The following LOXHD1 variants were observed in gnomAD, a reference collection of about 807,000 sequenced individuals.
LOXHD1 encodes lipoxygenase homology PLAT domains 1.
A neutral mutation model predicts 248.2 loss-of-function variants in LOXHD1; 205 were observed. The observed-to-expected ratio is 0.83, with a 90% confidence interval of 0.74 to 0.93. LOXHD1 has a LOEUF of 0.93. Ranked by LOEUF, LOXHD1 falls within the 40% of genes least tolerant of loss-of-function variation. The probability of loss-of-function intolerance (pLI) is 0.00; values close to 1 mark genes in which losing one functional copy is unlikely to be tolerated. For synonymous variants in LOXHD1, 1,113 were observed against 1,162.8 expected (o/e 0.96, Z 0.87); for missense variants, 2,930 against 2,971.6 (o/e 0.99, Z 0.33).
Position 46,560,285 on chromosome 18 carries a change from C to T in LOXHD1, c.2859G>A (p.Glu953=). 6.5e-7 allele frequency: 1 copy of T among 1,549,002 alleles called. No individual in the cohort carries two copies. ...RKGSDEEDEG[E]EEESSSSEES... is the part of the protein sequence containing the mutation. ...CCTCTGATGAGGACGACTCCTCTTC[C>T]TCCCCCTCGTCCTCTTCGTCGCTGC... is the stretch of plus-strand genomic sequence containing the variant. Residue 953 remains glutamate (E), a synonymous_variant, in exon 19 of 41, where the codon GAG becomes GAA. Transcript: ENST00000642948.
rs755975565 is a variant in LOXHD1 at position 46,477,544 on chromosome 18, G to A, written c.6750C>T (p.Phe2250=). ...TNTSTGVATI[F]NCGRWLDKKR... is the part of the protein sequence containing the mutation. ...TCTTGTCCAGCCACCTGCCACAGTT[G>A]AAGATGGTGGCCACGCCGGTGCTGG... Residue 2250 remains phenylalanine (F), a synonymous_variant, in exon 41 of 41, where the codon TTC becomes TTT. Coordinates refer to ENST00000642948, the MANE Select transcript of LOXHD1 (RefSeq NM_001384474.1). 3.2e-6 allele frequency: 5 copies of A among 1,551,602 alleles called. No individual in the cohort carries two copies. The South Asian group carries it at 5.9e-5, about 18-fold the overall frequency.
intron 37 of LOXHD1, among the ~76,000 whole-genome samples, chr18:46,491,667 C>T (rs2033486929): frequency 6.6e-6 from 1 of 152,168 alleles, no homozygotes; most frequent in Non-Finnish European, 1.5e-5. Flanking sequence ...TGGAATGCAC[C>T]ATTTATCATG....
At chr18:46,613,019 C>T (rs1053289978) in intron 5 of LOXHD1, among the ~76,000 whole-genome samples, 2 of 152,024 alleles carry the variant, frequency 1.3e-5, no homozygotes, top group Non-Finnish European at 2.9e-5. Flanking sequence ...CAAATATTCT[C>T]ATGTTATTAA....
intron 4 of LOXHD1, among the ~76,000 whole-genome samples, chr18:46,630,388 G>A (rs921546419): frequency 1.1e-4 from 17 of 152,178 alleles, no homozygotes; most frequent in Admixed American, 6.5e-5. Context: ...CTGGGCTGTG[G>A]GCAATTACTT....
chr18:46,560,049 C>CCGGGG, intron 19 of LOXHD1, 34 bp downstream of exon 19: 1 of 555,558 alleles, frequency 1.8e-6, no homozygotes, highest in Non-Finnish European at 3.3e-6. Flanking sequence ...TCTGGCCACT[C>CCGGGG]CCTCCCCACC....
intron 12 of LOXHD1, among the ~76,000 whole-genome samples, chr18:46,591,660 G>A (rs2038170541): frequency 6.6e-6 from 1 of 152,196 alleles, no homozygotes; most frequent in Non-Finnish European, 1.5e-5. Context: ...ATTGCTCAGG[G>A]CAGATGCTTC....
chr18:46,479,097 G>C (rs1214833949), intron 40 of LOXHD1, among the ~76,000 whole-genome samples: 1 of 152,010 alleles, frequency 6.6e-6, no homozygotes. Flanking sequence ...TTTGTACCTG[G>C]TGTTGTCACC....
intron 29 of LOXHD1, among the ~76,000 whole-genome samples, chr18:46,527,637 A>G (rs2035884293): frequency 6.6e-6 from 1 of 152,198 alleles, no homozygotes. Context: ...GTGTAGAGTC[A>G]GGGACAATCA....
In LOXHD1 at chr18:46,649,259, C is replaced by A. The variant is rs749402939; in HGVS notation, c.141G>T (p.Val47=). 1 of 1,551,424 alleles carries A rather than the reference C, an allele frequency of 6.4e-7. No homozygotes were observed. The highest frequency in any genetic ancestry group is 8.7e-7 in the Non-Finnish European group (1 of 1,146,776). ...CGCGAACATCCCCCGTGGCTGTGACCACTTCATACACTGGAGGAGGAGAGG... is the reference window on the plus strand; with the variant it reads ...CGCGAACATCCCCCGTGGCTGTGACAACTTCATACACTGGAGGAGGAGAGG... ...HEYYKARVYE[V]VTATGDVRGA... Residue 47 remains valine (V), a synonymous_variant, in exon 2 of 41, where the codon GTG becomes GTT. Transcript: ENST00000642948.
intron 36 of LOXHD1, among the ~76,000 whole-genome samples, chr18:46,506,444 A>G (rs1313197441): frequency 6.6e-6 from 1 of 152,192 alleles, no homozygotes; most frequent in Non-Finnish European, 1.5e-5. Flanking sequence ...TTGACATTCT[A>G]CACTAGAGCT....
At chr18:46,536,072 C>T (rs1038698087) in intron 26 of LOXHD1, among the ~76,000 whole-genome samples, 7 of 152,148 alleles carry the variant, frequency 4.6e-5, no homozygotes, top group African/African-American at 1.7e-4. Context: ...TTTAAGACAC[C>T]TTGAGTAAGT....
intron 37 of LOXHD1, among the ~76,000 whole-genome samples, chr18:46,489,692 C>T (rs1440373694): frequency 2.0e-5 from 3 of 152,196 alleles, no homozygotes; most frequent in Non-Finnish European, 4.4e-5. Flanking sequence ...GCTCCTATAG[C>T]CCCCTGCATC....
At chr18:46,627,528 G>A (rs2038759117) in intron 4 of LOXHD1, among the ~76,000 whole-genome samples, 3 of 152,018 alleles carry the variant, frequency 2.0e-5, no homozygotes, top group Admixed American at 6.6e-5. Context: ...GAAAAAAAAA[G>A]GCTATTTTAA....
intron 33 of LOXHD1, chr18:46,519,167 A>G (rs2035435438): frequency 2.2e-6 from 2 of 894,312 alleles, no homozygotes; most frequent in South Asian, 5.1e-5. Context: ...CCTTCTCACC[A>G]AGTGCCCCTG....
chr18:46,520,213 G>T (rs1212234410), intron 33 of LOXHD1: 2 of 461,018 alleles, frequency 4.3e-6, no homozygotes, highest in African/African-American at 4.0e-5. Flanking sequence ...CCACACTCCT[G>T]CCTGTCAAGG....
At chr18:46,576,659 A>G (rs1434876521) in intron 14 of LOXHD1, among the ~76,000 whole-genome samples, 1 of 152,136 alleles carries the variant, frequency 6.6e-6, no homozygotes, top group East Asian at 1.9e-4. Context: ...ATTCCTTGTA[A>G]TACAAACAGT....
chr18:46,588,762 C>T (rs187490759), intron 12 of LOXHD1, among the ~76,000 whole-genome samples: 1 of 152,342 alleles, frequency 6.6e-6, no homozygotes, highest in Admixed American at 6.5e-5. Flanking sequence ...GATTTCAGAA[C>T]CTCTTTTCCT....
intron 34 of LOXHD1, among the ~76,000 whole-genome samples, chr18:46,515,544 A>C (rs2035204454): frequency 1.3e-5 from 2 of 152,224 alleles, no homozygotes; most frequent in South Asian, 4.1e-4. Flanking sequence ...TGTGATTTTC[A>C]AGCAACATTT....
rs1233941643 is a variant in LOXHD1, at chr18:46,507,723, G to T, written c.5518-11C>A. 6.5e-6 allele frequency: 10 copies of T among 1,545,882 alleles called. No homozygotes were observed. In the Admixed American group the frequency reaches 1.6e-4, roughly 24 times the overall value. Reference sequence around the variant, plus strand: ...GTTCTTCAGTAGGATCTGGGGGAGAGGGAGCCACCGTGGGAATGCCCTGTC... The same window carrying T: ...GTTCTTCAGTAGGATCTGGGGGAGATGGAGCCACCGTGGGAATGCCCTGTC... On this transcript the variant is annotated splice_polypyrimidine_tract_variant and intron_variant, in intron 35 of 40. Coordinates refer to ENST00000642948, the MANE Select transcript of LOXHD1 (RefSeq NM_001384474.1).
Sources: gnomAD v4.1 joint callset for allele counts (sites outside exome capture counted in the v4.1 genomes callset) on GRCh38, gnomAD v4.1.1 for gene constraint, MANE v1.5 for transcripts, NCBI Gene and HGNC (gene_info 2026-07-23, HGNC 2026-07-21) for gene names.